LRRIQ3: variants seen among roughly 807,000 people sequenced by gnomAD.
The protein encoded by LRRIQ3 is leucine-rich repeat and IQ domain-containing protein 3.
LRRIQ3 carries 75 observed loss-of-function variants against 59.3 expected under a neutral mutation model. That is an observed-to-expected ratio of 1.26 (90% CI 1.05 to 1.53). The LOEUF (loss-of-function observed/expected upper bound fraction) is 1.53, where lower values mean the gene tolerates loss of function less well. Among genes scored for constraint, LRRIQ3 ranks in the 40% most tolerant of loss-of-function variants. The probability of loss-of-function intolerance (pLI) is 0.00; values close to 1 mark genes in which losing one functional copy is unlikely to be tolerated. For missense variants in LRRIQ3, 831 were observed against 710.0 expected, an observed-to-expected ratio of 1.17 and a Z score of -1.94; for synonymous variants, 250 against 231.3, an observed-to-expected ratio of 1.08 and a Z score of -0.73.
chr1:74,046,538 G>A (rs1654208825), intron 6 of LRRIQ3, among the ~76,000 whole-genome samples: 1 of 152,124 alleles, frequency 6.6e-6, no homozygotes, highest in South Asian at 2.1e-4. Context: ...ATTGGAATGG[G>A]CAAAGGCTTC....
intron 6 of LRRIQ3, among the ~76,000 whole-genome samples, chr1:74,063,256 A>G (rs1654780446): frequency 6.6e-6 from 1 of 152,006 alleles, no homozygotes; most frequent in Non-Finnish European, 1.5e-5. Context: ...AATAAAGAAA[A>G]TGTTTTGTAT....
At chr1:74,170,321 A>G (rs1649246344) in intron 3 of LRRIQ3, among the ~76,000 whole-genome samples, 2 of 152,128 alleles carry the variant, frequency 1.3e-5, no homozygotes, top group South Asian at 4.1e-4. Flanking sequence ...CTTACCTTTA[A>G]GATTTTAATT....
intron 6 of LRRIQ3, chr1:74,050,447 T>C (rs1654338350): frequency 2.3e-6 from 2 of 878,022 alleles, no homozygotes; most frequent in Non-Finnish European, 2.7e-6. Context: ...TCAGCCAATT[T>C]ACTTTCAGTT....
intron 3 of LRRIQ3, among the ~76,000 whole-genome samples, chr1:74,177,107 A>C (rs1489786387): frequency 6.6e-6 from 1 of 152,020 alleles, no homozygotes; most frequent in East Asian, 1.9e-4. Flanking sequence ...TTTTTTTAAT[A>C]TGTATTTTTT....
intron 4 of LRRIQ3, among the ~76,000 whole-genome samples, chr1:74,109,915 A>G (rs1022637521): frequency 6.6e-6 from 1 of 151,870 alleles, no homozygotes; most frequent in Non-Finnish European, 1.5e-5. Flanking sequence ...TGAAGAAGGA[A>G]CTTTTTAAAT....
rs923086640 is a variant in LRRIQ3, at chr1:74,108,312, A to C, written c.867+1082T>G. Reference sequence around the variant, plus strand: ...ATTCTACACAGAGGGTCAAAACATAATTTAGATGAACTTTATAATTTTATA... The same window carrying C: ...ATTCTACACAGAGGGTCAAAACATACTTTAGATGAACTTTATAATTTTATA... On this transcript the variant is annotated intron_variant, in intron 5 of 7. Coordinates refer to ENST00000354431, the MANE Select transcript of LRRIQ3 (RefSeq NM_001105659.2). Among the ~76,000 whole-genome samples the C allele has an allele frequency of 3.2e-4, 48 of 151,806 alleles. 1 individual carries two copies. Among genetic ancestry groups the C allele is most frequent in the Non-Finnish European group, 5.9e-5 (4 of 67,846 alleles).
At chr1:74,122,914 T>A (rs1646880591) in intron 4 of LRRIQ3, among the ~76,000 whole-genome samples, 1 of 151,950 alleles carries the variant, frequency 6.6e-6, no homozygotes, top group South Asian at 2.1e-4. Context: ...GGGAGAAAAA[T>A]TTTGCAATCT....
In LRRIQ3 at chr1:74,182,536, A is replaced by C; in HGVS notation, c.573+2T>G. The C allele has an allele frequency of 6.6e-7, 1 of 1,517,570 alleles. No individual in the cohort carries two copies. Among genetic ancestry groups the C allele is most frequent in the Non-Finnish European group, 8.8e-7 (1 of 1,135,400 alleles). The allele number at this position is 1,517,570 out of a possible 1,614,324, so 94.0% of individuals were successfully genotyped here. A position where few individuals can be genotyped will look rare whatever the true frequency, so the allele number is the denominator to read the frequency against. ...AAATGAAACCCTAAAGAAGCCAATT[A>C]CCTTTCTCAAAGCTGGGCAGAAATT... On this transcript the variant is annotated splice_donor_variant, in intron 3 of 7. Coordinates refer to ENST00000354431, the MANE Select transcript of LRRIQ3 (RefSeq NM_001105659.2). LOFTEE classifies it high-confidence loss of function.
intron 6 of LRRIQ3, among the ~76,000 whole-genome samples, chr1:74,046,802 C>T (rs956182563): frequency 1.3e-5 from 2 of 152,124 alleles, no homozygotes; most frequent in African/African-American, 4.8e-5. Flanking sequence ...TATGAACAGA[C>T]ATTTCTCAAA....
At chr1:74,091,821 C>A (rs1646397863) in intron 5 of LRRIQ3, among the ~76,000 whole-genome samples, 1 of 151,916 alleles carries the variant, frequency 6.6e-6, no homozygotes, top group Non-Finnish European at 1.5e-5. Context: ...TTCTTTACTT[C>A]TTGATTATTT....
chr1:74,193,606 G>T (rs1650912114), intron 1 of LRRIQ3, among the ~76,000 whole-genome samples: 1 of 151,764 alleles, frequency 6.6e-6, no homozygotes, highest in African/African-American at 2.4e-5. Context: ...ATAAATATTG[G>T]GAAAAAAGTT....
At chr1:74,151,473 A>G (rs1425145505) in intron 4 of LRRIQ3, among the ~76,000 whole-genome samples, 1 of 152,234 alleles carries the variant, frequency 6.6e-6, no homozygotes, top group Non-Finnish European at 1.5e-5. Context: ...ATGAATGGGG[A>G]AAAATCATAG....
intron 4 of LRRIQ3, among the ~76,000 whole-genome samples, chr1:74,150,454 T>C (rs1647858396): frequency 6.6e-6 from 1 of 152,150 alleles, no homozygotes; most frequent in African/African-American, 2.4e-5. Context: ...TAGTGATGAT[T>C]ATGGGCCTCC....
chr1:74,060,231 TTCTTCTTCTTCTTCTTCTTCTTCTTCC>T (rs1475478236), intron 6 of LRRIQ3, among the ~76,000 whole-genome samples: 62 of 139,920 alleles, frequency 4.4e-4, no homozygotes, highest in African/African-American at 1.6e-3. Flanking sequence ...GTTCTTCTTC[TTCTTCTTCTTCTTCTTCTTCTTCTTCC>T]TCTTCCTCTT....
intron 4 of LRRIQ3, among the ~76,000 whole-genome samples, chr1:74,124,141 A>G (rs1646901536): frequency 6.6e-6 from 1 of 151,840 alleles, no homozygotes; most frequent in African/African-American, 2.4e-5. Context: ...TTTCATATAT[A>G]TGTTTTCCAT....
intron 1 of LRRIQ3, among the ~76,000 whole-genome samples, chr1:74,188,575 T>G (rs1650559404): frequency 6.6e-6 from 1 of 152,136 alleles, no homozygotes; most frequent in African/African-American, 2.4e-5. Flanking sequence ...TATCCACACA[T>G]CCCCAATTTA....
chr1:74,046,789 G>A (rs1169741728), intron 6 of LRRIQ3, among the ~76,000 whole-genome samples: 3 of 152,078 alleles, frequency 2.0e-5, no homozygotes, highest in Non-Finnish European at 2.9e-5. Context: ...AGTGGGCAAA[G>A]GATATGAACA....
At chr1:74,150,099 C>T (rs990768872) in intron 4 of LRRIQ3, among the ~76,000 whole-genome samples, 2 of 152,130 alleles carry the variant, frequency 1.3e-5, no homozygotes, top group Admixed American at 6.5e-5. Flanking sequence ...CCCCTTTCTG[C>T]CATTCAGTAT....
intron 7 of LRRIQ3, among the ~76,000 whole-genome samples, 192 bp downstream of exon 7, chr1:74,041,021 G>T (rs1654027377): frequency 6.6e-6 from 1 of 151,588 alleles, no homozygotes; most frequent in South Asian, 2.1e-4. Context: ...GGAGAGATGG[G>T]GAAAGACAGA....
Sources: gnomAD v4.1 joint callset for allele counts (sites outside exome capture counted in the v4.1 genomes callset) on GRCh38, gnomAD v4.1.1 for gene constraint, MANE v1.5 for transcripts, NCBI Gene and HGNC (gene_info 2026-07-23, HGNC 2026-07-21) for gene names.